The following SRD5A1 variants were observed in gnomAD, a reference collection of about 807,000 sequenced individuals.
The protein encoded by SRD5A1 is 3-oxo-5-alpha-steroid 4-dehydrogenase 1.
SRD5A1 carries 22 observed loss-of-function variants against 28.2 expected under a neutral mutation model. That is an observed-to-expected ratio of 0.78 (90% confidence interval 0.56 to 1.12). SRD5A1 has a LOEUF of 1.12. Ranked by LOEUF, SRD5A1 falls within the 50% of genes most tolerant of loss-of-function variation. SRD5A1 has a pLI of 0.00. For synonymous variants in SRD5A1, 151 were observed against 135.0 expected (o/e 1.12, Z -0.82); for missense variants, 300 against 346.7 (o/e 0.87, Z 1.07).
chr5:6,663,041 T>C (rs1739058626), intron 4 of SRD5A1, 75 bp downstream of exon 4: 1 of 1,556,130 alleles, frequency 6.4e-7, no homozygotes, highest in Admixed American at 1.8e-5. Context: ...GGCTAGATTT[T>C]TGAAGTGTTA....
At chr5:6,663,720 C>T (rs1241238623) in intron 4 of SRD5A1, among the ~76,000 whole-genome samples, 3 of 151,972 alleles carry the variant, frequency 2.0e-5, no homozygotes, top group Admixed American at 1.3e-4. Context: ...ATTAGTCAGG[C>T]GTGGTGGCGG....
chr5:6,666,155 T>C (rs1181044617), intron 4 of SRD5A1, among the ~76,000 whole-genome samples: 2 of 152,116 alleles, frequency 1.3e-5, no homozygotes. Flanking sequence ...TTTATAATGT[T>C]CTTTTTTTTT....
intron 1 of SRD5A1, among the ~76,000 whole-genome samples, chr5:6,643,626 G>A (rs1360492607): frequency 2.0e-5 from 3 of 152,164 alleles, no homozygotes; most frequent in African/African-American, 7.2e-5. Context: ...GGTGCTCCCA[G>A]TGTCCTTAAC....
At chr5:6,657,389 T>C (rs1164032030) in intron 3 of SRD5A1, among the ~76,000 whole-genome samples, 1 of 152,196 alleles carries the variant, frequency 6.6e-6, no homozygotes, top group Non-Finnish European at 1.5e-5. Flanking sequence ...TGCACCCTCA[T>C]GGGGTCATCC....
chr5:6,662,494 A>G (rs960359764), intron 3 of SRD5A1, among the ~76,000 whole-genome samples: 1 of 152,202 alleles, frequency 6.6e-6, no homozygotes, highest in East Asian at 1.9e-4. Flanking sequence ...ATCTAGGTCC[A>G]TTTTACATGG....
At chr5:6,661,623 C>T (rs1475768454) in intron 3 of SRD5A1, among the ~76,000 whole-genome samples, 1 of 149,888 alleles carries the variant, frequency 6.7e-6, no homozygotes, top group Non-Finnish European at 1.5e-5. Context: ...ACCTCTGCCT[C>T]CTGGGTTCAA....
intron 2 of SRD5A1, among the ~76,000 whole-genome samples, chr5:6,653,100 T>C (rs1436069480): frequency 1.3e-5 from 2 of 152,218 alleles, no homozygotes; most frequent in Admixed American, 6.5e-5. Context: ...TTTTTCTCCA[T>C]GTGTATTAAT....
chr5:6,656,331 T>C (rs1738836189), intron 3 of SRD5A1, 152 bp downstream of exon 3: 1 of 671,514 alleles, frequency 1.5e-6, no homozygotes, highest in African/African-American at 1.8e-5. Flanking sequence ...GTGCTATTGT[T>C]ATTGTCTTAT....
intron 1 of SRD5A1, among the ~76,000 whole-genome samples, chr5:6,648,057 A>C (rs1192104255): frequency 6.6e-6 from 1 of 151,870 alleles, no homozygotes; most frequent in African/African-American, 2.4e-5. Context: ...GAAATTCCAG[A>C]TATGAAAGAA....
chr5:6,635,769 G>T (rs477930), intron 1 of SRD5A1, among the ~76,000 whole-genome samples: 79,666 of 152,052 alleles, frequency 0.52, 21,102 homozygotes, highest in Admixed American at 0.57. Flanking sequence ...GGGAACACTT[G>T]ACAAAGTTTT....
At position 6,656,551 on chromosome 5, in the gene SRD5A1, T is replaced by C. The variant is rs539251606; in HGVS notation, c.562+372T>C. On this transcript the variant is annotated intron_variant, in intron 3 of 4. Coordinates refer to ENST00000274192, the MANE Select transcript of SRD5A1 (RefSeq NM_001047.4). ...AAAACATTGGAATATTTTGAAAATC[T>C]TCTTAAACGCATCAGTATACTATCA... Among the ~76,000 whole-genome samples, 9 of 152,346 alleles carry C rather than the reference T, an allele frequency of 5.9e-5. No individual in the cohort carries two copies. The East Asian group carries it at 1.7e-3, about 29-fold the overall frequency.
chr5:6,647,922 T>A (rs945680777), intron 1 of SRD5A1, among the ~76,000 whole-genome samples: 1 of 152,238 alleles, frequency 6.6e-6, no homozygotes, highest in African/African-American at 2.4e-5. Context: ...TTCCTTTCCA[T>A]GTTTAGTGCT....
At chr5:6,652,076 T>G in intron 2 of SRD5A1, 68 bp downstream of exon 2, 1 of 1,486,668 alleles carries the variant, frequency 6.7e-7, no homozygotes. Context: ...TCCCAGTGGT[T>G]TCTAATGAGA....
chr5:6,642,243 C>T (rs8192166), intron 1 of SRD5A1, among the ~76,000 whole-genome samples: 58,001 of 151,830 alleles, frequency 0.38, 11,302 homozygotes, highest in Middle Eastern at 0.5. Flanking sequence ...TGAGATTTTA[C>T]GTATTTTATC....
chr5:6,641,208 C>A (rs1738346185), intron 1 of SRD5A1, among the ~76,000 whole-genome samples: 2 of 152,222 alleles, frequency 1.3e-5, no homozygotes, highest in African/African-American at 4.8e-5. Context: ...GCTGCACTCT[C>A]TCAAGTGCTG....
rs776238428 is a variant in SRD5A1 at position 6,651,841 on chromosome 5, G to T, written c.294-1G>T. 6.2e-7 allele frequency: 1 copy of T among 1,603,298 alleles called. No individual in the cohort carries two copies. The highest frequency in any genetic ancestry group is 8.5e-7 in the Non-Finnish European group (1 of 1,173,298). ...ATTGTGCCTGTTTCTTGTTTCCTAA[G>T]GTGCTTAATTTACCCATTTCTGATG... On this transcript the variant is annotated splice_acceptor_variant, in intron 1 of 4. Coordinates refer to ENST00000274192, the MANE Select transcript of SRD5A1 (RefSeq NM_001047.4). LOFTEE classifies it high-confidence loss of function.
intron 1 of SRD5A1, among the ~76,000 whole-genome samples, chr5:6,648,170 T>C (rs1050853910): frequency 6.6e-6 from 1 of 152,228 alleles, no homozygotes; most frequent in African/African-American, 2.4e-5. Context: ...TGGGCTTCCC[T>C]TTATGGGTAA....
chr5:6,642,538 T>C (rs1738395582), intron 1 of SRD5A1, among the ~76,000 whole-genome samples: 1 of 152,238 alleles, frequency 6.6e-6, no homozygotes, highest in South Asian at 2.1e-4. Context: ...GAGAGCTCAC[T>C]TCTTTTAATT....
Position 6,645,595 on chromosome 5 carries a change from C to T in SRD5A1, c.294-6247C>T, listed in dbSNP as rs113213916. ...CGGAGGTTGCGGTGAGCCGAGATCA[C>T]GCCACTGCACTCCAGCCTGGACCAC... On this transcript the variant is annotated intron_variant, in intron 1 of 4. Transcript: ENST00000274192. Among the ~76,000 whole-genome samples the T allele has an allele frequency of 4.2e-3, 637 of 150,988 alleles. 4 individuals carry two copies. The highest frequency in any genetic ancestry group is 0.015 in the African/African-American group (604 of 41,048).
Sources: gnomAD v4.1 joint callset for allele counts (sites outside exome capture counted in the v4.1 genomes callset) on GRCh38, gnomAD v4.1.1 for gene constraint, MANE v1.5 for transcripts, NCBI Gene and HGNC (gene_info 2026-07-23, HGNC 2026-07-21) for gene names.